The following TRIM5 variants were observed in gnomAD, a reference collection of about 807,000 sequenced individuals.
The protein encoded by TRIM5 is tripartite motif-containing protein 5.
A neutral mutation model predicts 35.6 loss-of-function variants in TRIM5; 31 were observed. The ratio of observed to expected loss-of-function variants is 0.87; its 90% CI spans 0.65 to 1.18. The LOEUF is 1.18. Ranked by LOEUF, TRIM5 falls within the 50% of genes most tolerant of loss-of-function variation. The pLI is 0.00. For missense variants in TRIM5, 609 were observed against 591.6 expected (o/e 1.03, Z -0.31); for synonymous variants, 243 against 215.6 (o/e 1.13, Z -1.11).
At chr11:5,629,623 G>T in the TRIM5 span, among the ~76,000 whole-genome samples, 1 of 152,228 alleles carries the variant, frequency 6.6e-6, no homozygotes, top group South Asian at 2.1e-4. Context: ...CACTCATGCA[G>T]CTTAACTCCA....
intron 3 of TRIM5, 105 bp from the exon 4 acceptor site, chr11:5,678,539 T>G: frequency 1.2e-6 from 1 of 860,492 alleles, no homozygotes; most frequent in Non-Finnish European, 1.8e-6. Context: ...GGAGGGGACA[T>G]AGTAGCAGGA....
chr11:5,666,207 G>A, intron 5 of TRIM5, 126 bp from the exon 6 acceptor site: 1 of 802,508 alleles, frequency 1.2e-6, no homozygotes, highest in Non-Finnish European at 2.0e-6. Flanking sequence ...TCCTGAGAAG[G>A]GAGAGTGCAA....
At chr11:5,635,088 C>T in the TRIM5 span, among the ~76,000 whole-genome samples, 1 of 151,978 alleles carries the variant, frequency 6.6e-6, no homozygotes, top group Non-Finnish European at 1.5e-5. Context: ...AGTCTCTAGG[C>T]CCCTATTATA....
the TRIM5 span, chr11:5,610,628 CAT>C: frequency 6.3e-7 from 1 of 1,583,470 alleles, no homozygotes; most frequent in Non-Finnish European, 8.6e-7. Flanking sequence ...CCTCCCCAGA[CAT>C]AGCCACACAG....
At chr11:5,632,692 C>T in the TRIM5 span, 18 of 1,611,988 alleles carry the variant, frequency 1.1e-5, no homozygotes, top group African/African-American at 2.7e-5. Flanking sequence ...GCTTTGTGAG[C>T]GGTCTCAGGA....
intron 1 of TRIM5, chr11:5,684,175 G>A (rs570404756): frequency 4.6e-5 from 8 of 173,994 alleles, no homozygotes; most frequent in African/African-American, 1.4e-4. Flanking sequence ...CACCAATTCC[G>A]GACACAGTAT....
At chr11:5,627,734 G>C in the TRIM5 span, among the ~76,000 whole-genome samples, 1 of 152,174 alleles carries the variant, frequency 6.6e-6, no homozygotes, top group Non-Finnish European at 1.5e-5. Context: ...CAATGTTTCT[G>C]AGCTCTCAGG....
chr11:5,612,584 C>T, the TRIM5 span: 1 of 152,198 alleles, frequency 6.6e-6, no homozygotes, highest in Non-Finnish European at 1.5e-5. Flanking sequence ...AGCTTTTCCA[C>T]ACTCTCTTTA....
chr11:5,615,316 G>A, the TRIM5 span, among the ~76,000 whole-genome samples: 6 of 152,110 alleles, frequency 3.9e-5, no homozygotes, highest in East Asian at 3.8e-4. Context: ...TATCTTTACT[G>A]CTTTTCTATG....
the TRIM5 span, among the ~76,000 whole-genome samples, chr11:5,628,288 T>C: frequency 6.6e-6 from 1 of 152,222 alleles, no homozygotes; most frequent in Non-Finnish European, 1.5e-5. Flanking sequence ...TGGATACTGA[T>C]TGGAATAAAA....
At chr11:5,658,694 T>G (rs1850711133), downstream of TRIM5, among the ~76,000 whole-genome samples, 1 of 152,224 alleles carries the variant, frequency 6.6e-6, no homozygotes, top group Non-Finnish European at 1.5e-5. Flanking sequence ...CATGAAGTTT[T>G]GTTAGAAAGA....
the TRIM5 span, among the ~76,000 whole-genome samples, chr11:5,614,091 G>T: frequency 6.6e-6 from 1 of 152,148 alleles, no homozygotes; most frequent in Non-Finnish European, 1.5e-5. Context: ...TTCTTGAGGG[G>T]TTATGGGGGC....
chr11:5,655,623 G>A, the TRIM5 span: 2 of 984,508 alleles, frequency 2.0e-6, no homozygotes, highest in South Asian at 9.4e-5. Context: ...TGTGAAGATT[G>A]CCATGCTCCT....
At chr11:5,614,137 G>C in the TRIM5 span, among the ~76,000 whole-genome samples, 1 of 152,178 alleles carries the variant, frequency 6.6e-6, no homozygotes, top group Admixed American at 6.5e-5. Context: ...ATGTGATAGA[G>C]TAGGCTCAAC....
chr11:5,623,903 C>CAAAT, the TRIM5 span, among the ~76,000 whole-genome samples: 7 of 152,216 alleles, frequency 4.6e-5, no homozygotes, highest in South Asian at 1.2e-3. Flanking sequence ...AGGTGGTTTC[C>CAAAT]AAAGGTGGCA....
At chr11:5,681,074 G>C (rs535171054) in intron 1 of TRIM5, among the ~76,000 whole-genome samples, 7 of 152,294 alleles carry the variant, frequency 4.6e-5, no homozygotes, top group African/African-American at 1.2e-4. Context: ...ACATTTATTG[G>C]AGCCTAAAGG....
At chr11:5,624,325 T>G in the TRIM5 span, among the ~76,000 whole-genome samples, 2 of 152,204 alleles carry the variant, frequency 1.3e-5, no homozygotes, top group African/African-American at 4.8e-5. Context: ...TTTTACCCCT[T>G]TTAAAGATTT....
chr11:5,629,784 T>G, the TRIM5 span, among the ~76,000 whole-genome samples: 1 of 152,200 alleles, frequency 6.6e-6, no homozygotes, highest in Non-Finnish European at 1.5e-5. Flanking sequence ...CTCGGCTCAC[T>G]GGAAGCTCTG....
At chr11:5,589,602 ACT>A in the TRIM5 span, 2 of 150,762 alleles carry the variant, frequency 1.3e-5, no homozygotes, top group African/African-American at 2.5e-5. Context: ...ATGTCCATAA[ACT>A]CTCATTTTTT....
Sources: allele counts gnomAD v4.1 joint callset (sites outside exome capture counted in the v4.1 genomes callset), GRCh38; gene constraint gnomAD v4.1.1; transcripts MANE v1.5; gene names NCBI Gene and HGNC (gene_info 2026-07-23, HGNC 2026-07-21).